Variants in SLC30A8 observed in about 807,000 individuals in gnomAD.
SLC30A8 encodes the protein solute carrier family 30 member 8, also known as proton-coupled zinc antiporter SLC30A8.
SLC30A8 carries 27 observed loss-of-function variants against 36.9 expected under a neutral mutation model. The ratio of observed to expected loss-of-function variants is 0.73; its 90% CI spans 0.54 to 1.01. SLC30A8 has a LOEUF of 1.01. SLC30A8 is among the 50% of genes least tolerant of loss of function. SLC30A8 has a pLI of 0.00. For synonymous variants in SLC30A8, 164 were observed against 172.4 expected (o/e 0.95, Z 0.38); for missense variants, 439 against 452.0 (o/e 0.97, Z 0.26).
chr8:117,142,494 G>A (rs1821699192), intron 1 of SLC30A8, among the ~76,000 whole-genome samples: 1 of 152,080 alleles, frequency 6.6e-6, no homozygotes, highest in Non-Finnish European at 1.5e-5. Context: ...GAAGTGTTCT[G>A]CAAAATCTGA....
At chr8:116,962,507 T>G (rs919327267) in intron 1 of SLC30A8, among the ~76,000 whole-genome samples, 3 of 152,084 alleles carry the variant, frequency 2.0e-5, no homozygotes, top group Non-Finnish European at 4.4e-5. Context: ...CTGTTCTTAC[T>G]GATGCTCACT....
chr8:117,138,754 A>G (rs11989843), intron 1 of SLC30A8, among the ~76,000 whole-genome samples: 31,517 of 151,748 alleles, frequency 0.21, 3,463 homozygotes, highest in African/African-American at 0.28. Context: ...AAGACTAGGG[A>G]CTACGATCCG....
intron 2 of SLC30A8, among the ~76,000 whole-genome samples, chr8:117,115,817 C>T (rs1820419731): frequency 6.6e-6 from 1 of 151,938 alleles, no homozygotes; most frequent in South Asian, 2.1e-4. Flanking sequence ...GCTAGCTGTT[C>T]TGAGATCTGG....
chr8:117,052,590 T>A (rs1028142037), intron 2 of SLC30A8, among the ~76,000 whole-genome samples: 1 of 152,218 alleles, frequency 6.6e-6, no homozygotes, highest in African/African-American at 2.4e-5. Flanking sequence ...GATTTGTTCA[T>A]TTCAGAAAAT....
chr8:117,149,995 A>G (rs1822098056), intron 2 of SLC30A8, among the ~76,000 whole-genome samples: 1 of 152,206 alleles, frequency 6.6e-6, no homozygotes, highest in South Asian at 2.1e-4. Context: ...AGGAAACCCT[A>G]GTACTCAGAG....
In SLC30A8 at chr8:117,013,211, A is replaced by G. The variant is rs138254003; in HGVS notation, c.-265-26008A>G. 2.2e-3 allele frequency among the ~76,000 whole-genome samples: 330 copies of G among 152,314 alleles called. 1 individual carries two copies. Among genetic ancestry groups the G allele is most frequent in the African/African-American group, 7.2e-3 (301 of 41,580 alleles). ...ATAAGAGGGAGTAGAGGCATGGACA[A>G]TGAGGCACAAGGAAAAGCATAAGAA... On this transcript the variant is annotated intron_variant, in intron 1 of 10. Transcript: ENST00000427715.
At chr8:117,091,198 A>G (rs1481372554) in intron 2 of SLC30A8, among the ~76,000 whole-genome samples, 2 of 152,116 alleles carry the variant, frequency 1.3e-5, no homozygotes, top group Admixed American at 1.3e-4. Flanking sequence ...AACTTCAATG[A>G]GTGCAAGGGA....
intron 1 of SLC30A8, among the ~76,000 whole-genome samples, chr8:117,016,004 T>C (rs1306565194): frequency 6.6e-6 from 1 of 152,120 alleles, no homozygotes; most frequent in Non-Finnish European, 1.5e-5. Context: ...AGCAATGGAA[T>C]GCGCTTGAAT....
At chr8:117,161,976 G>A in intron 5 of SLC30A8, 88 bp downstream of exon 5, 1 of 1,192,250 alleles carries the variant, frequency 8.4e-7, no homozygotes, top group Non-Finnish European at 1.2e-6. Context: ...AAAGAGAATG[G>A]GCATCCTCTG....
chr8:117,031,911 G>A (rs1817063459), intron 1 of SLC30A8, among the ~76,000 whole-genome samples: 4 of 152,106 alleles, frequency 2.6e-5, no homozygotes, highest in Admixed American at 2.6e-4. Context: ...TCAAATGCTG[G>A]CAGAAATCCC....
intron 2 of SLC30A8, among the ~76,000 whole-genome samples, chr8:117,062,713 A>G (rs564450299): frequency 1.3e-5 from 2 of 152,276 alleles, no homozygotes; most frequent in South Asian, 4.1e-4. Context: ...AGGAAACTAT[A>G]GAGGGAGGTG....
intron 1 of SLC30A8, among the ~76,000 whole-genome samples, chr8:116,995,113 G>T (rs963490652): frequency 6.6e-6 from 1 of 152,084 alleles, no homozygotes; most frequent in African/African-American, 2.4e-5. Flanking sequence ...AGCTGCCCTA[G>T]AAGAGATCTC....
chr8:117,049,956 T>G (rs1817659826), intron 2 of SLC30A8, among the ~76,000 whole-genome samples: 1 of 152,244 alleles, frequency 6.6e-6, no homozygotes, highest in Non-Finnish European at 1.5e-5. Context: ...GTGTTTAAAG[T>G]GACCCGGGTA....
intron 1 of SLC30A8, among the ~76,000 whole-genome samples, chr8:116,964,658 C>G (rs1382832281): frequency 3.9e-5 from 6 of 152,142 alleles, no homozygotes; most frequent in Non-Finnish European, 8.8e-5. Flanking sequence ...CCAAAATGAG[C>G]TCACACAGCA....
intron 1 of SLC30A8, among the ~76,000 whole-genome samples, chr8:116,981,453 G>C (rs997582596): frequency 6.6e-6 from 1 of 152,108 alleles, no homozygotes; most frequent in Non-Finnish European, 1.5e-5. Context: ...TACGTGTGTA[G>C]GTTTGTTATA....
At chr8:117,040,895 C>T (rs574851307) in intron 2 of SLC30A8, among the ~76,000 whole-genome samples, 5 of 152,194 alleles carry the variant, frequency 3.3e-5, no homozygotes, top group Non-Finnish European at 5.9e-5. Flanking sequence ...TTTAGCAAGA[C>T]CCCCAAGAGA....
chr8:117,049,803 A>C (rs938280576), intron 2 of SLC30A8, among the ~76,000 whole-genome samples: 19 of 151,624 alleles, frequency 1.3e-4, no homozygotes, highest in African/African-American at 4.6e-4. Context: ...GCTCACGAGA[A>C]TGGCCCACAG....
intron 6 of SLC30A8, among the ~76,000 whole-genome samples, chr8:117,167,712 A>G (rs150946217): frequency 2.0e-5 from 3 of 151,390 alleles, no homozygotes; most frequent in African/African-American, 7.4e-5. Context: ...ATTATAAACA[A>G]TGATGTAATT....
At chr8:116,997,148 C>T (rs887840679) in intron 1 of SLC30A8, among the ~76,000 whole-genome samples, 4 of 152,162 alleles carry the variant, frequency 2.6e-5, no homozygotes, top group East Asian at 1.9e-4. Flanking sequence ...AGGCAGAAGA[C>T]GAAGGGGGTG....
Sources: gnomAD v4.1 joint callset for allele counts (sites outside exome capture counted in the v4.1 genomes callset) on GRCh38, gnomAD v4.1.1 for gene constraint, MANE v1.5 for transcripts, NCBI Gene and HGNC (gene_info 2026-07-23, HGNC 2026-07-21) for gene names.